The following NDST4 variants were observed in gnomAD, a reference collection of about 807,000 sequenced individuals.
The protein encoded by NDST4 is N-deacetylase and N-sulfotransferase 4, also known as N-heparan sulfate sulfotransferase 4.
In NDST4, 63 loss-of-function variants were observed where a neutral mutation model predicts 100.8. That is an observed-to-expected ratio of 0.62 (90% CI 0.51 to 0.77). The LOEUF (loss-of-function observed/expected upper bound fraction) is 0.77, where lower values mean the gene tolerates loss of function less well. Among genes scored for constraint, NDST4 ranks in the 30% least tolerant of loss-of-function variants. The pLI, the probability that NDST4 is intolerant of heterozygous loss-of-function variation, is 0.00. For missense variants in NDST4, 943 were observed against 1,018.4 expected, an observed-to-expected ratio of 0.93 and a Z score of 1.01; for synonymous variants, 377 against 361.8, an observed-to-expected ratio of 1.04 and a Z score of -0.48.
At chr4:115,029,335 G>T (rs965942506) in intron 2 of NDST4, among the ~76,000 whole-genome samples, 2 of 152,106 alleles carry the variant, frequency 1.3e-5, no homozygotes, top group Non-Finnish European at 2.9e-5. Context: ...TCATAGGAGA[G>T]AGAGATGGGA....
chr4:114,892,435 ACTT>A (rs1402144137), intron 6 of NDST4, among the ~76,000 whole-genome samples: 4 of 152,096 alleles, frequency 2.6e-5, no homozygotes, highest in Non-Finnish European at 2.9e-5. Context: ...AGTTGTCTCA[ACTT>A]CTTTTTTAAG....
At chr4:115,083,926 T>A (rs1281935189) in intron 1 of NDST4, among the ~76,000 whole-genome samples, 1 of 152,130 alleles carries the variant, frequency 6.6e-6, no homozygotes, top group Non-Finnish European at 1.5e-5. Flanking sequence ...GAGAATGGAC[T>A]AATACACTAA....
intron 2 of NDST4, among the ~76,000 whole-genome samples, chr4:115,031,061 T>G (rs927823869): frequency 6.6e-6 from 1 of 152,150 alleles, no homozygotes; most frequent in Admixed American, 6.6e-5. Flanking sequence ...TTCTGTTCAT[T>G]GTCATTGTTA....
At chr4:114,976,774 A>G (rs1274852952) in intron 3 of NDST4, among the ~76,000 whole-genome samples, 1 of 151,982 alleles carries the variant, frequency 6.6e-6, no homozygotes, top group African/African-American at 2.4e-5. Flanking sequence ...CTATCATCAG[A>G]TGTTTTCCAA....
chr4:115,093,562 C>A (rs1029224602), intron 1 of NDST4, among the ~76,000 whole-genome samples: 1 of 152,050 alleles, frequency 6.6e-6, no homozygotes, highest in South Asian at 2.1e-4. Context: ...ATTCTCAAGA[C>A]CTGTAAAATA....
chr4:114,867,665 C>CTAAAAAAAAAAAAAAAAAAAAAAA (rs1724061211), intron 7 of NDST4, among the ~76,000 whole-genome samples: 1 of 79,900 alleles, frequency 1.3e-5, no homozygotes, highest in Non-Finnish European at 2.3e-5. Context: ...AAAAAAAAAG[C>CTAAAAAAAAAAAAAAAAAAAAAAA]AAAAAAAAAA....
chr4:115,083,082 GT>G (rs904716793), intron 1 of NDST4, among the ~76,000 whole-genome samples: 45 of 152,054 alleles, frequency 3.0e-4, no homozygotes, highest in African/African-American at 1.1e-3. Flanking sequence ...TGCTTCATGC[GT>G]TTTTTTGTTG....
chr4:114,850,299 TC>T (rs796248813), intron 8 of NDST4, among the ~76,000 whole-genome samples: 12 of 152,184 alleles, frequency 7.9e-5, no homozygotes, highest in African/African-American at 2.9e-4. Context: ...TACCCCGATC[TC>T]CCCTGGCCTA....
intron 2 of NDST4, among the ~76,000 whole-genome samples, chr4:114,988,682 AC>A (rs1445629433): frequency 2.6e-5 from 4 of 151,968 alleles, no homozygotes; most frequent in South Asian, 2.1e-4. Flanking sequence ...TTAAATGTGT[AC>A]CCCCAAAACC....
chr4:114,905,767 T>C (rs1470163370), intron 6 of NDST4, among the ~76,000 whole-genome samples: 2 of 152,046 alleles, frequency 1.3e-5, no homozygotes, highest in Non-Finnish European at 2.9e-5. Flanking sequence ...CTTTTTCATT[T>C]ACTTCATTAA....
chr4:114,928,259 T>C (rs1347342524), intron 6 of NDST4, among the ~76,000 whole-genome samples: 1 of 152,214 alleles, frequency 6.6e-6, no homozygotes, highest in Admixed American at 6.5e-5. Flanking sequence ...TTCTGGTTAC[T>C]TCTTTCCTCA....
chr4:115,099,582 C>G (rs1578520767), intron 1 of NDST4, among the ~76,000 whole-genome samples: 1 of 152,014 alleles, frequency 6.6e-6, no homozygotes, highest in African/African-American at 2.4e-5. Context: ...TCATATGGTA[C>G]TGGGGAGTTG....
chr4:114,850,324 C>G (rs538851541), intron 8 of NDST4, among the ~76,000 whole-genome samples: 1 of 152,188 alleles, frequency 6.6e-6, no homozygotes, highest in African/African-American at 2.4e-5. Context: ...AAAGCCAAAG[C>G]CTTTATGTTC....
chr4:115,097,284 C>A (rs2126296848), intron 1 of NDST4, among the ~76,000 whole-genome samples: 1 of 152,240 alleles, frequency 6.6e-6, no homozygotes, highest in East Asian at 1.9e-4. Context: ...GATATTTTCA[C>A]TTGGAAATCT....
chr4:115,102,702 TCC>T (rs1238288407), intron 1 of NDST4, among the ~76,000 whole-genome samples: 3 of 124,308 alleles, frequency 2.4e-5, no homozygotes, highest in African/African-American at 9.9e-5. Flanking sequence ...ACTTCTGACT[TCC>T]TTTTTTTTTT....
chr4:115,045,381 G>A (rs1728443271), intron 2 of NDST4, among the ~76,000 whole-genome samples: 1 of 152,142 alleles, frequency 6.6e-6, no homozygotes, highest in Non-Finnish European at 1.5e-5. Flanking sequence ...TGATCTTTCT[G>A]TTGGTAGTCC....
intron 6 of NDST4, among the ~76,000 whole-genome samples, chr4:114,897,116 G>T (rs1471121450): frequency 6.6e-6 from 1 of 152,010 alleles, no homozygotes; most frequent in African/African-American, 2.4e-5. Context: ...TTTACATTAG[G>T]TTTCATTCAT....
chr4:115,001,369 ATC>A (rs1560852816), intron 2 of NDST4, among the ~76,000 whole-genome samples: 4 of 152,028 alleles, frequency 2.6e-5, no homozygotes, highest in Non-Finnish European at 5.9e-5. Flanking sequence ...GTTAGAGTTG[ATC>A]GGCCCACCAG....
intron 1 of NDST4, among the ~76,000 whole-genome samples, chr4:115,078,227 G>C (rs474314): frequency 0.16 from 24,094 of 152,086 alleles, 2,319 homozygotes; most frequent in East Asian, 0.46. Flanking sequence ...CTTCTGGGGA[G>C]ATATAAGGAA....
Sources: gnomAD v4.1 joint callset for allele counts (sites outside exome capture counted in the v4.1 genomes callset) on GRCh38, gnomAD v4.1.1 for gene constraint, MANE v1.5 for transcripts, NCBI Gene and HGNC (gene_info 2026-07-23, HGNC 2026-07-21) for gene names.